GRM8: variants seen among roughly 807,000 people sequenced by gnomAD.
GRM8 encodes metabotropic glutamate receptor 8.
A neutral mutation model predicts 87.2 loss-of-function variants in GRM8; 47 were observed. The observed-to-expected ratio is 0.54, with a 90% confidence interval of 0.43 to 0.69. The LOEUF (loss-of-function observed/expected upper bound fraction) is 0.69. Ranked by LOEUF, GRM8 falls within the 30% of genes least tolerant of loss-of-function variation. GRM8 has a pLI of 0.00. For missense variants in GRM8, 1,019 were observed against 1,139.2 expected (o/e 0.89, Z 1.52); for synonymous variants, 396 against 404.5 (o/e 0.98, Z 0.25).
chr7:126,662,213 T>A (rs1160682359), intron 7 of GRM8, among the ~76,000 whole-genome samples: 1 of 152,176 alleles, frequency 6.6e-6, no homozygotes, highest in Non-Finnish European at 1.5e-5. Flanking sequence ...TAAATTATGC[T>A]GAAGATAACA....
chr7:127,014,085 C>T (rs544288993), intron 3 of GRM8, among the ~76,000 whole-genome samples: 1 of 152,072 alleles, frequency 6.6e-6, no homozygotes, highest in Non-Finnish European at 1.5e-5. Flanking sequence ...GATAATCAGA[C>T]AAGGCACCAT....
intron 3 of GRM8, among the ~76,000 whole-genome samples, chr7:126,982,625 G>A (rs1169694494): frequency 6.6e-6 from 1 of 152,050 alleles, no homozygotes; most frequent in African/African-American, 2.4e-5. Flanking sequence ...ACATGATAAA[G>A]GAAAAAGGAA....
chr7:126,736,128 C>A (rs1451386886), intron 7 of GRM8, among the ~76,000 whole-genome samples: 1 of 152,018 alleles, frequency 6.6e-6, no homozygotes, highest in Non-Finnish European at 1.5e-5. Context: ...ATGGGCAACA[C>A]CAACAGCAAT....
chr7:127,009,198 A>C (rs1434138241), intron 3 of GRM8, among the ~76,000 whole-genome samples: 1 of 152,120 alleles, frequency 6.6e-6, no homozygotes, highest in Non-Finnish European at 1.5e-5. Flanking sequence ...CTGAGAATCA[A>C]ACTGATTGTG....
At chr7:126,476,653 A>G (rs1482397176) in intron 9 of GRM8, among the ~76,000 whole-genome samples, 1 of 152,144 alleles carries the variant, frequency 6.6e-6, no homozygotes, top group Non-Finnish European at 1.5e-5. Flanking sequence ...ACACTCAACA[A>G]TAATAATCAC....
Position 126,974,384 on chromosome 7 carries a change from T to C in GRM8, c.728-69701A>G, listed in dbSNP as rs140642256. ...AAGTAACTCCATGAGATGATAGATA[T>C]GTTAGTTTGCTTCACTATAGTAAAC... On this transcript the variant is annotated intron_variant, in intron 3 of 10. Coordinates refer to ENST00000339582, the MANE Select transcript of GRM8 (RefSeq NM_000845.3). 2.2e-4 allele frequency among the ~76,000 whole-genome samples: 34 copies of C among 152,308 alleles called. No homozygotes were observed. In the Middle Eastern group the frequency reaches 0.017, roughly 76 times the overall value.
At chr7:126,566,934 C>T (rs1456986092) in intron 8 of GRM8, among the ~76,000 whole-genome samples, 3 of 152,042 alleles carry the variant, frequency 2.0e-5, no homozygotes, top group Admixed American at 2.0e-4. Context: ...AACAGAAAGA[C>T]AAATACTGCA....
intron 7 of GRM8, among the ~76,000 whole-genome samples, chr7:126,692,191 C>T (rs1585545475): frequency 6.6e-6 from 1 of 152,300 alleles, no homozygotes; most frequent in African/African-American, 2.4e-5. Context: ...AGTGGGCTAA[C>T]GAACTTTCTC....
chr7:126,919,766 T>C (rs1162079746), intron 3 of GRM8, among the ~76,000 whole-genome samples: 1 of 152,144 alleles, frequency 6.6e-6, no homozygotes, highest in Non-Finnish European at 1.5e-5. Context: ...CTCCCTTCCC[T>C]TTCCCTTGTC....
At chr7:127,000,707 G>A (rs1234415533) in intron 3 of GRM8, among the ~76,000 whole-genome samples, 9 of 151,606 alleles carry the variant, frequency 5.9e-5, no homozygotes, top group Non-Finnish European at 7.4e-5. Flanking sequence ...ATTACCAGGG[G>A]CTGGAGGGAA....
intron 2 of GRM8, among the ~76,000 whole-genome samples, chr7:127,207,289 T>G (rs6965293): frequency 1.3e-5 from 2 of 152,168 alleles, no homozygotes; most frequent in Non-Finnish European, 2.9e-5. Context: ...TCAGGACCCT[T>G]ATTCCCAAGT....
intron 8 of GRM8, among the ~76,000 whole-genome samples, chr7:126,562,121 G>T (rs868850660): frequency 1.3e-5 from 2 of 152,024 alleles, no homozygotes; most frequent in Non-Finnish European, 1.5e-5. Flanking sequence ...TTCAGAGGGT[G>T]AATATAAAAA....
At chr7:127,114,325 G>A (rs1313657354) in intron 2 of GRM8, among the ~76,000 whole-genome samples, 1 of 152,106 alleles carries the variant, frequency 6.6e-6, no homozygotes, top group Non-Finnish European at 1.5e-5. Flanking sequence ...GGAAATCATG[G>A]GGTCAAGGAG....
At chr7:127,114,012 A>G (rs960766440) in intron 2 of GRM8, among the ~76,000 whole-genome samples, 1 of 152,156 alleles carries the variant, frequency 6.6e-6, no homozygotes, top group Admixed American at 6.5e-5. Flanking sequence ...GAAGAAAGGA[A>G]ATGTAAAGCC....
At chr7:126,607,263 T>C (rs1798451632) in intron 8 of GRM8, among the ~76,000 whole-genome samples, 1 of 152,236 alleles carries the variant, frequency 6.6e-6, no homozygotes, top group African/African-American at 2.4e-5. Flanking sequence ...ATATGTGGCC[T>C]TACGTATCAC....
intron 6 of GRM8, among the ~76,000 whole-genome samples, chr7:126,798,513 C>T (rs1421182294): frequency 2.6e-5 from 4 of 152,122 alleles, no homozygotes. Context: ...CAGCACATAT[C>T]TGAGATAATG....
chr7:127,218,592 A>C (rs1796716991), intron 2 of GRM8, among the ~76,000 whole-genome samples: 1 of 152,224 alleles, frequency 6.6e-6, no homozygotes, highest in Non-Finnish European at 1.5e-5. Flanking sequence ...AACCTGGTGC[A>C]TAGTGAGCGT....
intron 7 of GRM8, among the ~76,000 whole-genome samples, chr7:126,688,751 C>A (rs2151360244): frequency 6.6e-6 from 1 of 151,780 alleles, no homozygotes; most frequent in South Asian, 2.1e-4. Flanking sequence ...CACACACACA[C>A]ACACACACAC....
intron 8 of GRM8, among the ~76,000 whole-genome samples, chr7:126,551,242 G>T (rs1180970571): frequency 6.6e-6 from 1 of 151,928 alleles, no homozygotes; most frequent in Admixed American, 6.6e-5. Context: ...TCATTTTAAA[G>T]GCTCACGAGA....
Sources: allele counts gnomAD v4.1 joint callset (sites outside exome capture counted in the v4.1 genomes callset), GRCh38; gene constraint gnomAD v4.1.1; transcripts MANE v1.5; gene names NCBI Gene and HGNC (gene_info 2026-07-23, HGNC 2026-07-21).